TMEM135: variants seen among roughly 807,000 people sequenced by gnomAD.
TMEM135 encodes transmembrane protein 135.
Under a neutral mutation model 60.3 loss-of-function variants are expected in TMEM135, and 30 were observed. The observed-to-expected ratio is 0.50, with a 90% CI of 0.37 to 0.68. The LOEUF (loss-of-function observed/expected upper bound fraction) is 0.68, where lower values mean the gene tolerates loss of function less well. TMEM135 is among the 30% of genes least tolerant of loss of function. The probability of loss-of-function intolerance (pLI) is 0.00; values close to 1 mark genes in which losing one functional copy is unlikely to be tolerated. For missense variants in TMEM135, 468 were observed against 548.8 expected, an observed-to-expected ratio of 0.85 and a Z score of 1.47; for synonymous variants, 190 against 186.7, an observed-to-expected ratio of 1.02 and a Z score of -0.14.
At position 87,247,483 on chromosome 11, in the gene TMEM135, C is replaced by T. The variant is rs1325849914; in HGVS notation, c.509+10799C>T. ...GTGGAGCCTACAGAGGCAGGCAGGC[C>T]TCCTTGAGCTGTGGTGGGCTCCACC... On this transcript the variant is annotated intron_variant, in intron 6 of 14. Transcript: ENST00000305494. Among the ~76,000 whole-genome samples the T allele has an allele frequency of 5.3e-5, 8 of 152,062 alleles. No individual in the cohort carries two copies. In the South Asian group the frequency reaches 1.2e-3, roughly 24 times the overall value.
intron 5 of TMEM135, among the ~76,000 whole-genome samples, chr11:87,162,086 A>G (rs1212679531): frequency 6.6e-6 from 1 of 152,210 alleles, no homozygotes; most frequent in Non-Finnish European, 1.5e-5. Context: ...TCAAAAGAAT[A>G]AGCAAGTATA....
intron 5 of TMEM135, among the ~76,000 whole-genome samples, chr11:87,173,321 C>T (rs1437846376): frequency 2.6e-5 from 4 of 152,124 alleles, no homozygotes; most frequent in Non-Finnish European, 4.4e-5. Context: ...AAATGTGATG[C>T]GTGGCACTGG....
intron 6 of TMEM135, among the ~76,000 whole-genome samples, chr11:87,267,206 A>G (rs1393865303): frequency 6.6e-6 from 1 of 152,240 alleles, no homozygotes; most frequent in African/African-American, 2.4e-5. Context: ...TATTATTAAC[A>G]AGTTAACAAA....
chr11:87,200,296 C>A (rs1424429521), intron 5 of TMEM135, among the ~76,000 whole-genome samples: 6 of 152,038 alleles, frequency 3.9e-5, no homozygotes, highest in Admixed American at 3.9e-4. Flanking sequence ...AAGAAAATAA[C>A]CTAACTGTAT....
rs1942897497 is a variant in TMEM135, at chr11:87,325,407, A to G, written c.*4074A>G. The G allele has an allele frequency of 2.2e-6, 1 of 453,996 alleles. No individual in the cohort carries two copies. Among genetic ancestry groups the G allele is most frequent in the African/African-American group, 2.0e-5 (1 of 50,000 alleles). The allele number at this position is 453,996 out of a possible 1,614,324, so 28.1% of individuals were successfully genotyped here. ...TAAGAATGTGTGCTATTTTACACAC[A>G]GAAGAAAATGATTGACTTTTGGTTG... On this transcript the variant is annotated 3_prime_UTR_variant, in exon 15 of 15. Coordinates refer to ENST00000305494, the MANE Select transcript of TMEM135 (RefSeq NM_022918.4).
In TMEM135 at chr11:87,322,053, T is replaced by C; in HGVS notation, c.*720T>C. ...ATGGCAAGTTAGGGGCAAATGGAAA[T>C]GGACACATCCGATAAAGTTGAAATG... is the stretch of plus-strand genomic sequence containing the variant. On this transcript the variant is annotated 3_prime_UTR_variant, in exon 15 of 15. Transcript: ENST00000305494. The C allele has an allele frequency of 2.2e-6, 1 of 454,442 alleles. No individual in the cohort carries two copies. Among genetic ancestry groups the C allele is most frequent in the Non-Finnish European group, 4.4e-6 (1 of 226,742 alleles). 28.2% of individuals were successfully genotyped at this position (454,442 alleles called of 1,614,324 possible). A position where few individuals can be genotyped will look rare whatever the true frequency, so the allele number is the denominator to read the frequency against.
At chr11:87,241,349 T>C (rs1941129390) in intron 6 of TMEM135, among the ~76,000 whole-genome samples, 1 of 152,242 alleles carries the variant, frequency 6.6e-6, no homozygotes, top group Non-Finnish European at 1.5e-5. Flanking sequence ...TGTTTATTTT[T>C]AATTTTTAAA....
chr11:87,208,349 A>G (rs1940284212), intron 5 of TMEM135, among the ~76,000 whole-genome samples: 1 of 152,224 alleles, frequency 6.6e-6, no homozygotes, highest in Admixed American at 6.5e-5. Flanking sequence ...TGAAGACTAC[A>G]TAACCATTTT....
At chr11:87,055,654 G>C (rs1386433961) in intron 1 of TMEM135, among the ~76,000 whole-genome samples, 2 of 151,402 alleles carry the variant, frequency 1.3e-5, no homozygotes, top group African/African-American at 2.4e-5. Flanking sequence ...GCAATAGCAC[G>C]ATCTCGGCTC....
chr11:87,235,538 A>G (rs984014644), intron 5 of TMEM135, among the ~76,000 whole-genome samples: 10 of 151,984 alleles, frequency 6.6e-5, no homozygotes, highest in Admixed American at 1.3e-4. Flanking sequence ...CAGGTTGACT[A>G]GAAATTATTT....
intron 11 of TMEM135, 134 bp downstream of exon 11, chr11:87,313,622 T>TGGATA: frequency 1.3e-6 from 1 of 793,882 alleles, no homozygotes; most frequent in Non-Finnish European, 2.1e-6. Flanking sequence ...GTTGAGGCAC[T>TGGATA]TGTCCAAATA....
chr11:87,302,767 A>G (rs962913863), intron 8 of TMEM135, among the ~76,000 whole-genome samples: 4 of 152,220 alleles, frequency 2.6e-5, no homozygotes, highest in African/African-American at 9.6e-5. Context: ...TATGCCAAGT[A>G]TGGAAAGAAG....
At chr11:87,309,196 A>G (rs1942600630) in intron 9 of TMEM135, among the ~76,000 whole-genome samples, 1 of 152,200 alleles carries the variant, frequency 6.6e-6, no homozygotes, top group South Asian at 2.1e-4. Context: ...GGAATTTAAA[A>G]TCCTGATTAT....
chr11:87,079,762 T>A (rs1053723640), intron 3 of TMEM135, among the ~76,000 whole-genome samples: 2 of 151,966 alleles, frequency 1.3e-5, no homozygotes, highest in Non-Finnish European at 2.9e-5. Context: ...TTATCATGAA[T>A]GGATGTAATA....
intron 6 of TMEM135, among the ~76,000 whole-genome samples, chr11:87,244,974 T>C (rs180902093): frequency 6.6e-6 from 1 of 151,976 alleles, no homozygotes; most frequent in Non-Finnish European, 1.5e-5. Context: ...TCCTGTTTTC[T>C]CTTGTGGGCA....
intron 5 of TMEM135, among the ~76,000 whole-genome samples, chr11:87,232,679 A>G (rs570612726): frequency 6.6e-5 from 10 of 152,302 alleles, no homozygotes; most frequent in African/African-American, 2.4e-4. Context: ...TGCACTATGG[A>G]TGACAATAAT....
intron 5 of TMEM135, among the ~76,000 whole-genome samples, chr11:87,195,978 T>C (rs982641340): frequency 3.9e-5 from 6 of 152,122 alleles, no homozygotes; most frequent in Non-Finnish European, 8.8e-5. Flanking sequence ...ACACAGATGC[T>C]GAGGAAATAC....
intron 5 of TMEM135, among the ~76,000 whole-genome samples, chr11:87,171,486 T>A (rs1249061975): frequency 6.6e-6 from 1 of 152,086 alleles, no homozygotes; most frequent in Non-Finnish European, 1.5e-5. Flanking sequence ...TGCAAACATA[T>A]ATGTTAAGCA....
At chr11:87,286,438 C>G (rs1312012849) in intron 6 of TMEM135, among the ~76,000 whole-genome samples, 2 of 152,274 alleles carry the variant, frequency 1.3e-5, no homozygotes, top group African/African-American at 4.8e-5. Context: ...CCACCCGACT[C>G]AGGAGCCCAG....
Sources: gnomAD v4.1 joint callset for allele counts (sites outside exome capture counted in the v4.1 genomes callset) on GRCh38, gnomAD v4.1.1 for gene constraint, MANE v1.5 for transcripts, NCBI Gene and HGNC (gene_info 2026-07-23, HGNC 2026-07-21) for gene names.